The following ATG7 variants were observed in gnomAD, a reference collection of about 807,000 sequenced individuals.
The protein encoded by ATG7 is ubiquitin-like modifier-activating enzyme ATG7.
ATG7 carries 70 observed loss-of-function variants against 82.4 expected under a neutral mutation model. The observed-to-expected ratio is 0.85, with a 90% CI of 0.70 to 1.04. The LOEUF (loss-of-function observed/expected upper bound fraction) is 1.04, where lower values mean the gene tolerates loss of function less well. Ranked by LOEUF, ATG7 falls within the 50% of genes least tolerant of loss-of-function variation. The probability of loss-of-function intolerance (pLI) is 0.00; values close to 1 mark genes in which losing one functional copy is unlikely to be tolerated. For synonymous variants in ATG7, 287 were observed against 313.0 expected, an observed-to-expected ratio of 0.92 and a Z score of 0.88; for missense variants, 792 against 864.3, an observed-to-expected ratio of 0.92 and a Z score of 1.05.
rs71626995 is a variant in ATG7, at chr3:11,277,891, A to ACCCCCCCCCCCCCCCCC, written c.-365-3090_-365-3089insCCCCCCCCCCCCCCCCC. Reference sequence around the variant, plus strand: ...ACACTCCCAGAGCGGCCCTTTATAGACCCCCCCCCCCCCACCAGGAATGCA... The same window carrying ACCCCCCCCCCCCCCCCC: ...ACACTCCCAGAGCGGCCCTTTATAGACCCCCCCCCCCCCCCCCCCCCCCCCCCCCCACCAGGAATGCA... On this transcript the variant is annotated intron_variant, in intron 1 of 20. Transcript: ENST00000693202. 6.6e-5 allele frequency among the ~76,000 whole-genome samples: 4 copies of ACCCCCCCCCCCCCCCCC among 60,770 alleles called. 2 individuals carry two copies. Among genetic ancestry groups the ACCCCCCCCCCCCCCCCC allele is most frequent in the African/African-American group, 2.7e-4 (4 of 14,682 alleles). 39.9% of individuals were successfully genotyped at this position (60,770 alleles called of 152,430 possible).
At chr3:11,298,990 T>C (rs1946374154) in intron 4 of ATG7, 135 bp downstream of exon 4, 2 of 1,004,356 alleles carry the variant, frequency 2.0e-6, no homozygotes, top group Non-Finnish European at 2.9e-6. Flanking sequence ...CTATTTTACT[T>C]CCTGACTTTT....
Position 11,553,407 on chromosome 3 carries a change from T to C in ATG7, c.2080-1404T>C, listed in dbSNP as rs549292499. On this transcript the variant is annotated intron_variant, in intron 20 of 20. Coordinates refer to ENST00000693202, the MANE Select transcript of ATG7 (RefSeq NM_001349232.2). ...TTCGTTGAATGGGAGAGTGAAAGAA[T>C]GGATGGATTGTGCTGGCAAACCCTC... 2.0e-4 allele frequency among the ~76,000 whole-genome samples: 22 copies of C among 110,780 alleles called. 1 individual carries two copies. In the South Asian group the frequency reaches 3.9e-3, roughly 19 times the overall value. The allele number at this position is 110,780 out of a possible 152,430, so 72.7% of individuals were successfully genotyped here.
intron 20 of ATG7, among the ~76,000 whole-genome samples, chr3:11,537,626 C>A (rs181371950): frequency 6.6e-6 from 1 of 152,180 alleles, no homozygotes; most frequent in Non-Finnish European, 1.5e-5. Flanking sequence ...ACATGCAACA[C>A]GAACTCCTCA....
At chr3:11,546,539 T>C (rs1228117621) in intron 20 of ATG7, among the ~76,000 whole-genome samples, 3 of 152,236 alleles carry the variant, frequency 2.0e-5, no homozygotes, top group African/African-American at 7.2e-5. Context: ...AATTGTGCCA[T>C]TCCCAAGGTA....
At chr3:11,336,036 ATTTTTTT>A (rs541306159) in intron 11 of ATG7, among the ~76,000 whole-genome samples, 2 of 111,696 alleles carry the variant, frequency 1.8e-5, no homozygotes, top group South Asian at 2.8e-4. Context: ...GTGCCCGGTC[ATTTTTTT>A]TTTTTTTTTT....
chr3:11,412,716 C>CA (rs1266064816), intron 19 of ATG7, among the ~76,000 whole-genome samples: 2 of 151,690 alleles, frequency 1.3e-5, no homozygotes, highest in Non-Finnish European at 2.9e-5. Context: ...TTTATTTCTG[C>CA]AAAAAACACC....
chr3:11,533,350 A>AT (rs1208014918), intron 20 of ATG7, among the ~76,000 whole-genome samples: 3 of 152,114 alleles, frequency 2.0e-5, no homozygotes, highest in Non-Finnish European at 4.4e-5. Context: ...CTCTGGGGTG[A>AT]TTTTTTTTCC....
intron 20 of ATG7, among the ~76,000 whole-genome samples, chr3:11,491,806 T>C (rs1382286239): frequency 1.3e-5 from 2 of 152,202 alleles, no homozygotes; most frequent in Admixed American, 6.5e-5. Flanking sequence ...GAACCGTGAA[T>C]GCTGCTGTCT....
chr3:11,494,197 CAG>C lies in ATG7; in HGVS notation c.2080-60613_2080-60612del, dbSNP rs558449243. 8.5e-5 allele frequency among the ~76,000 whole-genome samples: 13 copies of C among 152,264 alleles called. No homozygotes were observed. The South Asian group carries it at 2.5e-3, about 29-fold the overall frequency. On this transcript the variant is annotated intron_variant, in intron 20 of 20. Transcript: ENST00000693202. The stretch of plus-strand genomic sequence containing the variant: ...TCAAATCCATCTCCCTGACTAAAAT[CAG>C]GGGTTTATATGCCAGAGAAGAAATG...
intron 20 of ATG7, among the ~76,000 whole-genome samples, chr3:11,524,922 G>A (rs1372600308): frequency 6.6e-6 from 1 of 152,160 alleles, no homozygotes; most frequent in Admixed American, 6.5e-5. Flanking sequence ...AGCAGCAGAT[G>A]TTTAAAATAA....
At chr3:11,543,468 C>A (rs1268316033) in intron 20 of ATG7, among the ~76,000 whole-genome samples, 1 of 152,236 alleles carries the variant, frequency 6.6e-6, no homozygotes, top group Non-Finnish European at 1.5e-5. Context: ...GGCAATGGTT[C>A]CCTGAGAAGA....
At chr3:11,358,319 G>A in intron 14 of ATG7, 99 bp from the exon 15 acceptor site, 3 of 1,224,836 alleles carry the variant, frequency 2.4e-6, no homozygotes, top group Non-Finnish European at 3.5e-6. Context: ...TCTCATGTAT[G>A]TGAACACAAG....
At chr3:11,352,728 G>A (rs995809800) in intron 14 of ATG7, among the ~76,000 whole-genome samples, 2 of 152,340 alleles carry the variant, frequency 1.3e-5, no homozygotes, top group East Asian at 3.9e-4. Flanking sequence ...AATGCTAAAA[G>A]GGATAAGTAG....
chr3:11,407,270 A>C (rs1382949569), intron 19 of ATG7, among the ~76,000 whole-genome samples: 1 of 152,188 alleles, frequency 6.6e-6, no homozygotes, highest in Non-Finnish European at 1.5e-5. Flanking sequence ...TCCGTGTCTC[A>C]CATCCAGGTC....
At chr3:11,332,004 A>G (rs1399591345) in intron 10 of ATG7, among the ~76,000 whole-genome samples, 2 of 152,214 alleles carry the variant, frequency 1.3e-5, no homozygotes, top group East Asian at 1.9e-4. Context: ...AAAAATATCT[A>G]TGGCTCAGCA....
In ATG7 at chr3:11,489,492, CT is replaced by C. The variant is rs1187019457; in HGVS notation, c.2079+62569del. Among the ~76,000 whole-genome samples, 4 of 3,564 alleles carry C rather than the reference CT, an allele frequency of 1.1e-3. No homozygotes were observed. In the South Asian group the frequency reaches 0.054, roughly 48 times the overall value. 2.3% of individuals were successfully genotyped at this position (3,564 alleles called of 152,430 possible). A position where few individuals can be genotyped will look rare whatever the true frequency, so the allele number is the denominator to read the frequency against. On this transcript the variant is annotated intron_variant, in intron 20 of 20. Coordinates refer to ENST00000693202, the MANE Select transcript of ATG7 (RefSeq NM_001349232.2). ...TGTCTCTATTTCCTTCAGTTCTGCT[CT>C]TTAGTTATTTCTTGCCTTCTGCTGG...
chr3:11,554,979 C>T lies in ATG7; in HGVS notation c.*136C>T. 1 of 1,156,112 alleles carries T rather than the reference C, an allele frequency of 8.6e-7. No homozygotes were observed. Among genetic ancestry groups the T allele is most frequent in the Non-Finnish European group, 1.2e-6 (1 of 834,782 alleles). 71.6% of individuals were successfully genotyped at this position (1,156,112 alleles called of 1,614,324 possible). The stretch of plus-strand genomic sequence containing the variant: ...ACCCCGAGGTCTGGGATTCCCCCCT[C>T]TGCTGCCCAGGAGTGGCCAGTGTTC... On this transcript the variant is annotated 3_prime_UTR_variant, in exon 21 of 21. Transcript: ENST00000693202.
chr3:11,508,782 A>T (rs2091885926), intron 20 of ATG7, among the ~76,000 whole-genome samples: 1 of 152,174 alleles, frequency 6.6e-6, no homozygotes, highest in South Asian at 2.1e-4. Context: ...AATAATCCTC[A>T]GTTCTGTGCC....
chr3:11,295,984 G>C (rs1945841011), intron 3 of ATG7, among the ~76,000 whole-genome samples: 1 of 151,926 alleles, frequency 6.6e-6, no homozygotes, highest in African/African-American at 2.4e-5. Flanking sequence ...CACCATTTTG[G>C]TCAGGCTGGT....
Sources: allele counts gnomAD v4.1 joint callset (sites outside exome capture counted in the v4.1 genomes callset), GRCh38; gene constraint gnomAD v4.1.1; transcripts MANE v1.5; gene names NCBI Gene and HGNC (gene_info 2026-07-23, HGNC 2026-07-21).